Variants in LRRC4C observed in about 807,000 individuals in gnomAD.
LRRC4C encodes leucine rich repeat containing 4C.
LRRC4C carries 5 observed loss-of-function variants against 33.6 expected under a neutral mutation model. That is an observed-to-expected ratio of 0.15 (90% confidence interval 0.08 to 0.31). The LOEUF (loss-of-function observed/expected upper bound fraction) is 0.31. LRRC4C is among the 10% of genes least tolerant of loss of function. LRRC4C has a pLI of 1.00. For missense variants in LRRC4C, 560 were observed against 796.7 expected, an observed-to-expected ratio of 0.70 and a Z score of 3.58; for synonymous variants, 329 against 302.0, an observed-to-expected ratio of 1.09 and a Z score of -0.93.
At chr11:41,222,155 C>G (rs1197238135) in intron 1 of LRRC4C, among the ~76,000 whole-genome samples, 5 of 152,206 alleles carry the variant, frequency 3.3e-5, no homozygotes, top group African/African-American at 9.7e-5. Flanking sequence ...AAAGTAGGTA[C>G]TGTAGATTAC....
chr11:40,513,257 A>C (rs934783810), intron 3 of LRRC4C, among the ~76,000 whole-genome samples: 3 of 151,462 alleles, frequency 2.0e-5, no homozygotes, highest in Non-Finnish European at 4.4e-5. Flanking sequence ...TCAAAAAAAA[A>C]AAAAAAAAAA....
At chr11:41,360,598 G>A (rs1952321166) in intron 1 of LRRC4C, among the ~76,000 whole-genome samples, 1 of 152,192 alleles carries the variant, frequency 6.6e-6, no homozygotes, top group South Asian at 2.1e-4. Flanking sequence ...TTATGCTTAA[G>A]TCGAGATTGG....
intron 1 of LRRC4C, among the ~76,000 whole-genome samples, chr11:40,996,227 G>A (rs759818016): frequency 4.6e-5 from 7 of 152,104 alleles, no homozygotes; most frequent in Non-Finnish European, 8.8e-5. Context: ...TGACTGTGAG[G>A]CTGGGTAGCA....
intron 3 of LRRC4C, among the ~76,000 whole-genome samples, chr11:40,375,678 T>A (rs765835430): frequency 6.6e-6 from 1 of 152,172 alleles, no homozygotes; most frequent in Non-Finnish European, 1.5e-5. Context: ...GTAAAGTTTC[T>A]CGAATAATTT....
intron 1 of LRRC4C, among the ~76,000 whole-genome samples, chr11:40,987,163 T>C (rs1486611100): frequency 6.6e-6 from 1 of 152,164 alleles, no homozygotes; most frequent in East Asian, 1.9e-4. Context: ...TTCTAGTCTT[T>C]GGTACAAGTG....
chr11:41,278,985 C>T (rs1468437724), intron 1 of LRRC4C, among the ~76,000 whole-genome samples: 1 of 152,138 alleles, frequency 6.6e-6, no homozygotes, highest in Non-Finnish European at 1.5e-5. Flanking sequence ...CTCTCCCATC[C>T]TCCCTGTTCT....
intron 1 of LRRC4C, among the ~76,000 whole-genome samples, chr11:41,171,943 C>T (rs1046966975): frequency 1.3e-5 from 2 of 151,946 alleles, no homozygotes; most frequent in African/African-American, 4.8e-5. Flanking sequence ...TCATTATGTA[C>T]GTTTCTGATA....
intron 4 of LRRC4C, among the ~76,000 whole-genome samples, chr11:40,309,968 G>A (rs1321150076): frequency 6.6e-6 from 1 of 152,252 alleles, no homozygotes; most frequent in African/African-American, 2.4e-5. Flanking sequence ...GGAGTCAGGG[G>A]AATAAAAGGT....
intron 3 of LRRC4C, among the ~76,000 whole-genome samples, chr11:40,557,937 A>T (rs1957395579): frequency 1.3e-5 from 2 of 152,140 alleles, no homozygotes; most frequent in African/African-American, 4.8e-5. Flanking sequence ...AGTTAAATTA[A>T]TGTTTTTAAG....
At chr11:41,285,802 TA>T (rs1372845623) in intron 1 of LRRC4C, among the ~76,000 whole-genome samples, 1 of 152,060 alleles carries the variant, frequency 6.6e-6, no homozygotes, top group Non-Finnish European at 1.5e-5. Flanking sequence ...ATCTCTTTTT[TA>T]TTTTATTGTA....
intron 5 of LRRC4C, among the ~76,000 whole-genome samples, chr11:40,180,905 G>T (rs1436996504): frequency 6.6e-6 from 1 of 152,174 alleles, no homozygotes; most frequent in Non-Finnish European, 1.5e-5. Flanking sequence ...AACAGCTGAA[G>T]AGTTGAACTG....
At chr11:41,435,107 G>A (rs866208266) in intron 1 of LRRC4C, among the ~76,000 whole-genome samples, 12 of 152,018 alleles carry the variant, frequency 7.9e-5, no homozygotes, top group Non-Finnish European at 1.6e-4. Context: ...CCTTACTCCT[G>A]GATTTTTACA....
At chr11:40,472,814 A>C (rs1953011718) in intron 3 of LRRC4C, among the ~76,000 whole-genome samples, 2 of 152,214 alleles carry the variant, frequency 1.3e-5, no homozygotes, top group African/African-American at 4.8e-5. Flanking sequence ...ACCATCAGAG[A>C]ATACTATAAA....
intron 5 of LRRC4C, among the ~76,000 whole-genome samples, chr11:40,209,728 T>G (rs1277795522): frequency 2.6e-5 from 4 of 152,150 alleles, no homozygotes; most frequent in African/African-American, 9.7e-5. Context: ...TGTCAGGCAC[T>G]TTGCTGGATA....
chr11:41,447,315 G>T (rs1056550998), intron 1 of LRRC4C, among the ~76,000 whole-genome samples: 1 of 152,148 alleles, frequency 6.6e-6, no homozygotes, highest in Non-Finnish European at 1.5e-5. Context: ...TCCTCATCAC[G>T]GGCATAGAAT....
intron 2 of LRRC4C, among the ~76,000 whole-genome samples, chr11:40,925,438 C>G (rs12421406): frequency 6.6e-6 from 1 of 152,090 alleles, no homozygotes; most frequent in Non-Finnish European, 1.5e-5. Context: ...GCTACCTCAG[C>G]CTGAATCTTG....
At chr11:40,397,425 AC>A (rs775048836) in intron 3 of LRRC4C, among the ~76,000 whole-genome samples, 30 of 152,272 alleles carry the variant, frequency 2.0e-4, no homozygotes, top group Non-Finnish European at 3.2e-4. Flanking sequence ...AAAGAAAAAA[AC>A]GTTTTAAAAA....
intron 2 of LRRC4C, among the ~76,000 whole-genome samples, chr11:40,822,628 C>T (rs1448234627): frequency 1.3e-5 from 2 of 151,690 alleles, no homozygotes; most frequent in African/African-American, 2.4e-5. Flanking sequence ...TGTAGGTTGG[C>T]TCTTCACTTT....
intron 2 of LRRC4C, among the ~76,000 whole-genome samples, chr11:40,912,857 C>G (rs1956765211): frequency 6.6e-6 from 1 of 151,966 alleles, no homozygotes. Flanking sequence ...GGAAGATCTA[C>G]CAAGCCAATG....
Sources: allele counts gnomAD v4.1 joint callset (sites outside exome capture counted in the v4.1 genomes callset), GRCh38; gene constraint gnomAD v4.1.1; transcripts MANE v1.5; gene names NCBI Gene and HGNC (gene_info 2026-07-23, HGNC 2026-07-21).